Variants in SNW1 observed in about 807,000 individuals in gnomAD.
SNW1 encodes the protein SNW domain containing 1, also known as SNW domain-containing protein 1.
A neutral mutation model predicts 75.6 loss-of-function variants in SNW1; 9 were observed. The observed-to-expected ratio is 0.12, with a 90% CI of 0.07 to 0.21. The LOEUF (loss-of-function observed/expected upper bound fraction) is 0.21. Ranked by LOEUF, SNW1 falls within the 10% of genes least tolerant of loss-of-function variation. SNW1 has a pLI of 1.00. For missense variants in SNW1, 409 were observed against 670.9 expected, an observed-to-expected ratio of 0.61 and a Z score of 4.31; for synonymous variants, 200 against 219.1, an observed-to-expected ratio of 0.91 and a Z score of 0.77.
At chr14:77,752,768 T>G (rs2080818345) in intron 2 of SNW1, among the ~76,000 whole-genome samples, 1 of 152,204 alleles carries the variant, frequency 6.6e-6, no homozygotes, top group Non-Finnish European at 1.5e-5. Flanking sequence ...AAGAAAATAT[T>G]CACTTTTACA....
chr14:77,736,549 A>AAAAAAAAAAAAAC (rs1555387522), intron 6 of SNW1, among the ~76,000 whole-genome samples: 13 of 63,896 alleles, frequency 2.0e-4, no homozygotes, highest in African/African-American at 5.2e-4. Flanking sequence ...ACTGTCTCTC[A>AAAAAAAAAAAAAC]AAAAACAAAA....
intron 2 of SNW1, among the ~76,000 whole-genome samples, chr14:77,753,685 C>A (rs2080823903): frequency 6.6e-6 from 1 of 152,090 alleles, no homozygotes; most frequent in Non-Finnish European, 1.5e-5. Flanking sequence ...GGCGCGGTGG[C>A]TCACACCTGT....
At chr14:77,759,356 A>C (rs1015233797) in intron 1 of SNW1, among the ~76,000 whole-genome samples, 2 of 151,996 alleles carry the variant, frequency 1.3e-5, no homozygotes, top group African/African-American at 4.8e-5. Context: ...ACTAAAAAAA[A>C]CAAAAATTAA....
At chr14:77,731,624 G>C (rs1421047115) in intron 9 of SNW1, among the ~76,000 whole-genome samples, 1 of 152,176 alleles carries the variant, frequency 6.6e-6, no homozygotes, top group South Asian at 2.1e-4. Context: ...ACATCTGCTA[G>C]ATAATTTTTA....
At chr14:77,756,431 T>G (rs933479382) in intron 1 of SNW1, among the ~76,000 whole-genome samples, 2 of 152,232 alleles carry the variant, frequency 1.3e-5, no homozygotes, top group Non-Finnish European at 2.9e-5. Flanking sequence ...GCCTGGCTAC[T>G]CCTTGTTTTT....
At chr14:77,721,668 GAC>G (rs2080541682) in intron 11 of SNW1, among the ~76,000 whole-genome samples, 1 of 152,156 alleles carries the variant, frequency 6.6e-6, no homozygotes, top group African/African-American at 2.4e-5. Context: ...GCTTCTCCAT[GAC>G]ATCATTTATC....
At chr14:77,750,916 T>C (rs577633752) in intron 3 of SNW1, among the ~76,000 whole-genome samples, 2 of 152,264 alleles carry the variant, frequency 1.3e-5, no homozygotes, top group South Asian at 4.1e-4. Flanking sequence ...TCTAAGTACA[T>C]GGAGGAAATG....
rs976569821 is a variant in SNW1, at chr14:77,718,626, G to C, written c.1249-96C>G. ...TACAGTAAACCCTTGCTAATGTACA[G>C]CTCACATTTTCAACAATCTGAACTG... is the stretch of plus-strand genomic sequence containing the variant. On this transcript the variant is annotated intron_variant, in intron 12 of 13. Coordinates refer to ENST00000261531, the MANE Select transcript of SNW1 (RefSeq NM_012245.3). 15 of 752,072 alleles carry C rather than the reference G, an allele frequency of 2.0e-5. No individual in the cohort carries two copies. The East Asian group carries it at 4.0e-4, about 20-fold the overall frequency. 46.6% of individuals were successfully genotyped at this position (752,072 alleles called of 1,614,324 possible). A position where few individuals can be genotyped will look rare whatever the true frequency, so the allele number is the denominator to read the frequency against.
intron 6 of SNW1, among the ~76,000 whole-genome samples, 196 bp from the exon 7 acceptor site, chr14:77,736,202 C>A (rs1430181094): frequency 6.6e-6 from 1 of 152,174 alleles, no homozygotes; most frequent in East Asian, 1.9e-4. Flanking sequence ...CTCACCCCAC[C>A]TCCACAACAT....
Position 77,718,303 on chromosome 14 carries a change from A to C in SNW1, c.1413-17T>G, listed in dbSNP as rs1566824395. The stretch of plus-strand genomic sequence containing the variant: ...GGAACAAATCTAAGGAAAAGGAGAA[A>C]AAACTATGAACTACTTTGCTTTCAC... On this transcript the variant is annotated splice_polypyrimidine_tract_variant and intron_variant, in intron 13 of 13. Transcript: ENST00000261531. 6.2e-7 allele frequency: 1 copy of C among 1,614,090 alleles called. No homozygotes were observed. Among genetic ancestry groups the C allele is most frequent in the Non-Finnish European group, 8.5e-7 (1 of 1,179,974 alleles).
intron 10 of SNW1, among the ~76,000 whole-genome samples, chr14:77,727,684 C>T (rs894970414): frequency 4.6e-5 from 7 of 152,086 alleles, no homozygotes; most frequent in African/African-American, 1.7e-4. Context: ...TGTGATGTAT[C>T]ACATTTACTG....
chr14:77,734,768 C>G (rs540568390), intron 8 of SNW1, among the ~76,000 whole-genome samples, 179 bp downstream of exon 8: 1 of 151,908 alleles, frequency 6.6e-6, no homozygotes, highest in Non-Finnish European at 1.5e-5. Flanking sequence ...ACGGTATTCA[C>G]GTGCCTGGCA....
In SNW1 at chr14:77,718,501, T is replaced by G. The variant is rs775533687; in HGVS notation, c.1278A>C (p.Glu426Asp). ...GATCATAAACATTATAAATTTCATC[T>G]TCTCCACCTGCAAATCCACTGTCCA... ...KGMDSGFAGG[E>D]DEIYNVYDQA... Residue 426 changes from glutamate (E) to aspartate (D), a missense_variant, in exon 13 of 14, where the codon GAA (glutamate) becomes GAC (aspartate). Coordinates refer to ENST00000261531, the MANE Select transcript of SNW1 (RefSeq NM_012245.3). The G allele has an allele frequency of 6.2e-7, 1 of 1,612,770 alleles. No homozygotes were observed. Among genetic ancestry groups the G allele is most frequent in the Admixed American group, 1.7e-5 (1 of 59,950 alleles).
At chr14:77,724,840 T>C (rs555806466) in intron 10 of SNW1, among the ~76,000 whole-genome samples, 30 of 152,342 alleles carry the variant, frequency 2.0e-4, no homozygotes, top group African/African-American at 6.7e-4. Flanking sequence ...TGATTTGATA[T>C]ACTGATTTCC....
intron 10 of SNW1, 101 bp from the exon 11 acceptor site, chr14:77,723,378 C>T (rs1031250859): frequency 4.0e-5 from 34 of 847,098 alleles, no homozygotes; most frequent in South Asian, 1.2e-4. Context: ...GAGACAGCAT[C>T]TCACTCTGTC....
chr14:77,722,494 T>C (rs1338626915), intron 11 of SNW1: 3 of 455,796 alleles, frequency 6.6e-6, no homozygotes, highest in Non-Finnish European at 8.8e-6. Context: ...TGAAAGCTTA[T>C]TTCCTGTCTA....
chr14:77,722,794 C>G (rs746076654), intron 11 of SNW1: 1 of 404,890 alleles, frequency 2.5e-6, no homozygotes, highest in South Asian at 1.8e-5. Context: ...TAAAACTCTG[C>G]TCTAAAAGGT....
At chr14:77,721,412 A>C (rs1332160399) in intron 11 of SNW1, among the ~76,000 whole-genome samples, 1 of 152,066 alleles carries the variant, frequency 6.6e-6, no homozygotes. Flanking sequence ...TTTACTAAAA[A>C]CTCAGGTCAC....
At chr14:77,739,687 G>A (rs2080701634) in intron 3 of SNW1, among the ~76,000 whole-genome samples, 1 of 151,970 alleles carries the variant, frequency 6.6e-6, no homozygotes, top group Admixed American at 6.6e-5. Context: ...ATTGAGGCCT[G>A]TTATATGACT....
Sources: gnomAD v4.1 joint callset for allele counts (sites outside exome capture counted in the v4.1 genomes callset) on GRCh38, gnomAD v4.1.1 for gene constraint, MANE v1.5 for transcripts, NCBI Gene and HGNC (gene_info 2026-07-23, HGNC 2026-07-21) for gene names.